The following GRIA1 variants were observed in gnomAD, a reference collection of about 807,000 sequenced individuals.
The protein encoded by GRIA1 is glutamate ionotropic receptor AMPA type subunit 1.
In GRIA1, 31 loss-of-function variants were observed where a neutral mutation model predicts 99.2. That is an observed-to-expected ratio of 0.31 (90% confidence interval 0.23 to 0.42). GRIA1 has a LOEUF of 0.42. GRIA1 is among the 10% of genes least tolerant of loss of function. GRIA1 has a pLI of 1.00. For missense variants in GRIA1, 782 were observed against 1,157.5 expected, an observed-to-expected ratio of 0.68 and a Z score of 4.71; for synonymous variants, 438 against 432.4, an observed-to-expected ratio of 1.01 and a Z score of -0.16.
intron 2 of GRIA1, among the ~76,000 whole-genome samples, chr5:153,613,122 C>CA (rs977666223): frequency 1.3e-4 from 20 of 151,954 alleles, no homozygotes; most frequent in Non-Finnish European, 2.9e-5. Context: ...TTCCTCCCCC[C>CA]AATAAAAATT....
rs554546054 is a variant in GRIA1, at chr5:153,660,240, C to A, written c.699+4368C>A. On this transcript the variant is annotated intron_variant, in intron 5 of 15. Transcript: ENST00000285900. Reference sequence around the variant, plus strand: ...TCACTGAATTAGAATTCCTTAAACCCCTAATAAATTACAACAATAATAACA... The same window carrying A: ...TCACTGAATTAGAATTCCTTAAACCACTAATAAATTACAACAATAATAACA... 3.3e-5 allele frequency among the ~76,000 whole-genome samples: 5 copies of A among 152,234 alleles called. No individual in the cohort carries two copies. In the South Asian group the frequency reaches 1.0e-3, roughly 32 times the overall value.
intron 11 of GRIA1, among the ~76,000 whole-genome samples, chr5:153,722,681 G>A (rs974301910): frequency 1.3e-5 from 2 of 152,154 alleles, no homozygotes; most frequent in African/African-American, 4.8e-5. Context: ...CTTTGCCAGG[G>A]TATTACCTTA....
At chr5:153,631,622 T>A (rs776164053) in intron 2 of GRIA1, among the ~76,000 whole-genome samples, 4 of 152,222 alleles carry the variant, frequency 2.6e-5, no homozygotes, top group Non-Finnish European at 5.9e-5. Flanking sequence ...TCTAAACTTA[T>A]ATTTATTTTA....
rs70978504 is a variant in GRIA1, at chr5:153,701,619, C to CAAAA, written c.1452+2566_1452+2569dup. On this transcript the variant is annotated intron_variant, in intron 10 of 15. Coordinates refer to ENST00000285900, the MANE Select transcript of GRIA1 (RefSeq NM_000827.4). ...CTGGGCGACAAAGCGAGACCCGTCTCAAAAAAAAAAAAAAAAAAAAAAATA... is the reference window on the plus strand; with the variant it reads ...CTGGGCGACAAAGCGAGACCCGTCTCAAAAAAAAAAAAAAAAAAAAAAAAAAATA... 1.9e-3 allele frequency among the ~76,000 whole-genome samples: 74 copies of CAAAA among 39,406 alleles called. 7 individuals are homozygous for CAAAA. Among genetic ancestry groups the CAAAA allele is most frequent in the East Asian group, 5.6e-3 (3 of 540 alleles). The allele number at this position is 39,406 out of a possible 152,430, so 25.9% of individuals were successfully genotyped here.
chr5:153,578,170 A>AAAAAAG (rs1561658005), intron 2 of GRIA1, among the ~76,000 whole-genome samples: 13 of 119,226 alleles, frequency 1.1e-4, no homozygotes, highest in African/African-American at 3.8e-4. Context: ...AAAAAAAAAA[A>AAAAAAG]AAAGAAAGAA....
intron 2 of GRIA1, among the ~76,000 whole-genome samples, chr5:153,521,296 A>G (rs1397699244): frequency 6.6e-6 from 1 of 152,250 alleles, no homozygotes; most frequent in Non-Finnish European, 1.5e-5. Flanking sequence ...GCAGAGTAAC[A>G]CATGCCATAA....
rs1161557656 is a variant in GRIA1 at position 153,811,011 on chromosome 5, G to T, written c.2521-14G>T. ...CCAAGGACCCGGGGAAGAACCCCCG[G>T]TCCTCCTGAAAAGGGTTTTTGTTTG... On this transcript the variant is annotated splice_polypyrimidine_tract_variant and intron_variant, in intron 15 of 15. Transcript: ENST00000285900. 1.2e-6 allele frequency: 2 copies of T among 1,609,578 alleles called. No individual in the cohort carries two copies. The highest frequency in any genetic ancestry group is 3.3e-4 in the Middle Eastern group (2 of 6,048).
At chr5:153,718,688 T>A (rs184816672) in intron 11 of GRIA1, among the ~76,000 whole-genome samples, 1 of 152,300 alleles carries the variant, frequency 6.6e-6, no homozygotes, top group African/African-American at 2.4e-5. Context: ...CCTTCCATTA[T>A]GTTAATCACC....
chr5:153,547,772 T>C (rs570151728), intron 2 of GRIA1, among the ~76,000 whole-genome samples: 3 of 152,276 alleles, frequency 2.0e-5, no homozygotes, highest in Non-Finnish European at 4.4e-5. Context: ...TGGAAGAACC[T>C]GGAGTAATTA....
intron 2 of GRIA1, among the ~76,000 whole-genome samples, chr5:153,595,072 G>C (rs1472229867): frequency 6.6e-6 from 1 of 151,872 alleles, no homozygotes; most frequent in Non-Finnish European, 1.5e-5. Flanking sequence ...TTCAGATGTT[G>C]TACTTCCTTT....
intron 11 of GRIA1, among the ~76,000 whole-genome samples, chr5:153,738,849 A>G (rs1277746593): frequency 6.6e-6 from 1 of 151,320 alleles, no homozygotes; most frequent in Non-Finnish European, 1.5e-5. Flanking sequence ...CAGCCTACCA[A>G]GTAGCTGGGA....
chr5:153,799,304 G>A (rs568880975), intron 14 of GRIA1, among the ~76,000 whole-genome samples: 8 of 152,296 alleles, frequency 5.3e-5, no homozygotes, highest in Non-Finnish European at 8.8e-5. Context: ...AACCAGAGCT[G>A]TGGTCCTCAA....
At chr5:153,500,181 G>T (rs1051530192) in intron 2 of GRIA1, among the ~76,000 whole-genome samples, 1 of 152,198 alleles carries the variant, frequency 6.6e-6, no homozygotes, top group Non-Finnish European at 1.5e-5. Flanking sequence ...TGAAGATCCT[G>T]CTGGGATGAG....
intron 2 of GRIA1, among the ~76,000 whole-genome samples, chr5:153,586,189 AC>A (rs1380189056): frequency 2.0e-5 from 3 of 151,884 alleles, no homozygotes; most frequent in Non-Finnish European, 4.4e-5. Context: ...TAATTCTTTT[AC>A]CCTCCTATGC....
chr5:153,518,265 C>T (rs1756814804), intron 2 of GRIA1, among the ~76,000 whole-genome samples: 1 of 149,248 alleles, frequency 6.7e-6, no homozygotes, highest in Non-Finnish European at 1.5e-5. Flanking sequence ...TAATTAGTAC[C>T]CATTTTGCCT....
chr5:153,629,125 C>T (rs1752744162), intron 2 of GRIA1, among the ~76,000 whole-genome samples: 1 of 152,220 alleles, frequency 6.6e-6, no homozygotes. Flanking sequence ...CAGGCCAGTG[C>T]CCTGGATGGT....
At chr5:153,791,869 T>C (rs988397831) in intron 13 of GRIA1, among the ~76,000 whole-genome samples, 3 of 151,396 alleles carry the variant, frequency 2.0e-5, no homozygotes, top group African/African-American at 7.3e-5. Context: ...ACGTAGGTGA[T>C]ATTGCATTTA....
chr5:153,799,966 G>C (rs17115251), intron 14 of GRIA1, among the ~76,000 whole-genome samples: 45,675 of 152,048 alleles, frequency 0.3, 7,297 homozygotes, highest in Middle Eastern at 0.4. Context: ...CAGGGAGGCA[G>C]ATACCCTCTT....
intron 2 of GRIA1, among the ~76,000 whole-genome samples, chr5:153,599,816 A>C (rs1217535830): frequency 1.3e-5 from 2 of 152,164 alleles, no homozygotes; most frequent in African/African-American, 2.4e-5. Flanking sequence ...GGAAGGGCCA[A>C]GATCATAGAT....
Sources: gnomAD v4.1 joint callset for allele counts (sites outside exome capture counted in the v4.1 genomes callset) on GRCh38, gnomAD v4.1.1 for gene constraint, MANE v1.5 for transcripts, NCBI Gene and HGNC (gene_info 2026-07-23, HGNC 2026-07-21) for gene names.